Variants in TMEM207 observed in about 807,000 individuals in gnomAD.
TMEM207 encodes transmembrane protein 207.
Under a neutral mutation model 17.4 loss-of-function variants are expected in TMEM207, and 15 were observed. The observed-to-expected ratio is 0.86, with a 90% CI of 0.58 to 1.33. TMEM207 has a LOEUF of 1.33. TMEM207 is among the 40% of genes most tolerant of loss of function. TMEM207 has a pLI of 0.00. For synonymous variants in TMEM207, 70 were observed against 65.6 expected (o/e 1.07, Z -0.33); for missense variants, 205 against 173.8 (o/e 1.18, Z -1.01).
At chr3:190,443,131 C>T (rs1045878884) in intron 2 of TMEM207, among the ~76,000 whole-genome samples, 2 of 148,800 alleles carry the variant, frequency 1.3e-5, no homozygotes, top group African/African-American at 5.0e-5. Flanking sequence ...GGTGTCCTGA[C>T]ACAATTAAAA....
chr3:190,435,831 C>G (rs950688810), intron 4 of TMEM207, among the ~76,000 whole-genome samples: 3 of 152,192 alleles, frequency 2.0e-5, no homozygotes, highest in African/African-American at 7.2e-5. Context: ...ACAGGAAATT[C>G]CACCAGACAT....
chr3:190,429,747 T>C lies in TMEM207; in HGVS notation c.305-16A>G. 1 of 1,585,460 alleles carries C rather than the reference T, an allele frequency of 6.3e-7. No homozygotes were observed. Among genetic ancestry groups the C allele is most frequent in the Non-Finnish European group, 8.6e-7 (1 of 1,168,146 alleles). On this transcript the variant is annotated splice_polypyrimidine_tract_variant and intron_variant, in intron 4 of 4. Transcript: ENST00000354905. ...GCTTCTGTCCCTGGAAAGAGAAAGA[T>C]GAAGACTTGTAATCTTTCTAGTGAG...
chr3:190,448,436 T>C (rs1300339603), intron 1 of TMEM207, among the ~76,000 whole-genome samples: 1 of 152,146 alleles, frequency 6.6e-6, no homozygotes, highest in African/African-American at 2.4e-5. Flanking sequence ...AGTCCAATAC[T>C]ATAAGCATTC....
At chr3:190,429,753 C>T in intron 4 of TMEM207, 22 bp from the exon 5 acceptor site, 1 of 1,575,894 alleles carries the variant, frequency 6.3e-7, no homozygotes, top group Non-Finnish European at 8.6e-7. Flanking sequence ...AAGATGAAGA[C>T]TTGTAATCTT....
chr3:190,440,420 A>G (rs1356267602), intron 3 of TMEM207, 31 bp from the exon 4 acceptor site: 4 of 1,594,570 alleles, frequency 2.5e-6, no homozygotes, highest in Non-Finnish European at 2.6e-6. Context: ...GAAAAGAATG[A>G]GGTAGAGTAT....
intron 4 of TMEM207, among the ~76,000 whole-genome samples, chr3:190,438,152 C>T (rs992353528): frequency 4.0e-5 from 6 of 151,004 alleles, no homozygotes; most frequent in African/African-American, 9.7e-5. Context: ...TGCAAAATGG[C>T]GAGTTAATGG....
Position 190,449,831 on chromosome 3 carries a change from G to A in TMEM207, c.-22C>T, listed in dbSNP as rs377182441. 1.9e-6 allele frequency: 3 copies of A among 1,609,478 alleles called. No homozygotes were observed. Among genetic ancestry groups the A allele is most frequent in the Non-Finnish European group, 2.6e-6 (3 of 1,175,932 alleles). On this transcript the variant is annotated 5_prime_UTR_variant, in exon 1 of 5. Transcript: ENST00000354905. Reference sequence around the variant, plus strand: ...ACATATTTAAAGGACAGTCAACTTAGGATAGTGGTTTGGTGCCTGTGTTTA... The same window carrying A: ...ACATATTTAAAGGACAGTCAACTTAAGATAGTGGTTTGGTGCCTGTGTTTA...
At chr3:190,438,152 C>G (rs992353528) in intron 4 of TMEM207, among the ~76,000 whole-genome samples, 3 of 151,004 alleles carry the variant, frequency 2.0e-5, no homozygotes, top group Admixed American at 2.0e-4. Flanking sequence ...TGCAAAATGG[C>G]GAGTTAATGG....
At position 190,429,790 on chromosome 3, in the gene TMEM207, T is replaced by C. The variant is rs1719650861; in HGVS notation, c.305-59A>G. The C allele has an allele frequency of 1.4e-5, 20 of 1,476,184 alleles. No homozygotes were observed. The South Asian group carries it at 2.1e-4, about 15-fold the overall frequency. 91.4% of individuals were successfully genotyped at this position (1,476,184 alleles called of 1,614,324 possible). On this transcript the variant is annotated intron_variant, in intron 4 of 4. Coordinates refer to ENST00000354905, the MANE Select transcript of TMEM207 (RefSeq NM_207316.3). The stretch of plus-strand genomic sequence containing the variant: ...CTAGTGAGCATAAAACATAAGTACA[T>C]GAACTGCCCGATAAAATCTGGCATT...
intron 2 of TMEM207, among the ~76,000 whole-genome samples, chr3:190,447,220 C>T (rs1207219164): frequency 6.6e-6 from 1 of 152,112 alleles, no homozygotes; most frequent in Non-Finnish European, 1.5e-5. Flanking sequence ...CAATGAATTA[C>T]AGATATTAAT....
At chr3:190,446,339 A>T (rs1720049806) in intron 2 of TMEM207, among the ~76,000 whole-genome samples, 1 of 152,152 alleles carries the variant, frequency 6.6e-6, no homozygotes, top group Non-Finnish European at 1.5e-5. Context: ...AAACAGCATG[A>T]CTTTCCTTAC....
chr3:190,430,521 A>T (rs1027554756), intron 4 of TMEM207, among the ~76,000 whole-genome samples: 8 of 149,890 alleles, frequency 5.3e-5, no homozygotes, highest in East Asian at 1.9e-4. Flanking sequence ...AGATGGTTTT[A>T]TATATATATA....
chr3:190,432,234 T>A (rs1263050391), intron 4 of TMEM207, among the ~76,000 whole-genome samples: 1 of 152,248 alleles, frequency 6.6e-6, no homozygotes, highest in Admixed American at 6.5e-5. Flanking sequence ...AGACTTCACC[T>A]CTTTCTACAT....
At chr3:190,433,701 G>A (rs1719740171) in intron 4 of TMEM207, among the ~76,000 whole-genome samples, 1 of 152,086 alleles carries the variant, frequency 6.6e-6, no homozygotes, top group Admixed American at 6.6e-5. Flanking sequence ...TTGAGAGGGG[G>A]GAGAAAACTG....
At chr3:190,438,530 T>G (rs1719854459) in intron 4 of TMEM207, among the ~76,000 whole-genome samples, 1 of 152,292 alleles carries the variant, frequency 6.6e-6, no homozygotes, top group South Asian at 2.1e-4. Context: ...TAAGCTGCTT[T>G]AAAAATGTTT....
At chr3:190,429,924 A>T (rs1003293985) in intron 4 of TMEM207, among the ~76,000 whole-genome samples, 193 bp from the exon 5 acceptor site, 1 of 150,910 alleles carries the variant, frequency 6.6e-6, no homozygotes, top group African/African-American at 2.4e-5. Context: ...GAAAAAAAAA[A>T]TTGCTTGCCT....
intron 4 of TMEM207, among the ~76,000 whole-genome samples, chr3:190,439,642 GT>G (rs1203118779): frequency 3.4e-4 from 52 of 152,088 alleles, no homozygotes; most frequent in African/African-American, 1.2e-3. Context: ...AATTTCCTCT[GT>G]TCTTTACTTC....
chr3:190,431,143 T>C (rs932465154), intron 4 of TMEM207, among the ~76,000 whole-genome samples: 5 of 152,130 alleles, frequency 3.3e-5, no homozygotes, highest in African/African-American at 1.2e-4. Flanking sequence ...CACCTTCTGG[T>C]TTAGCACTTT....
intron 2 of TMEM207, among the ~76,000 whole-genome samples, chr3:190,442,859 A>G (rs1269425479): frequency 3.3e-5 from 5 of 152,348 alleles, no homozygotes; most frequent in South Asian, 2.1e-4. Flanking sequence ...AGAGACTTCA[A>G]TCTTACTTTG....
Sources: gnomAD v4.1 joint callset for allele counts (sites outside exome capture counted in the v4.1 genomes callset) on GRCh38, gnomAD v4.1.1 for gene constraint, MANE v1.5 for transcripts, NCBI Gene and HGNC (gene_info 2026-07-23, HGNC 2026-07-21) for gene names.